Variants in ANXA10 observed in about 807,000 individuals in gnomAD.
ANXA10 encodes the protein annexin 14.
Under a neutral mutation model 53.5 loss-of-function variants are expected in ANXA10, and 49 were observed. That is an observed-to-expected ratio of 0.92 (90% CI 0.73 to 1.16). The LOEUF (loss-of-function observed/expected upper bound fraction) is 1.16. Among genes scored for constraint, ANXA10 ranks in the 50% most tolerant of loss-of-function variants. The pLI is 0.00. For missense variants in ANXA10, 393 were observed against 394.4 expected, an observed-to-expected ratio of 1.00 and a Z score of 0.03; for synonymous variants, 131 against 128.9, an observed-to-expected ratio of 1.02 and a Z score of -0.11.
At chr4:168,137,422 C>T (rs1281525919) in intron 2 of ANXA10, among the ~76,000 whole-genome samples, 1 of 152,076 alleles carries the variant, frequency 6.6e-6, no homozygotes, top group Non-Finnish European at 1.5e-5. Context: ...TTAACCCTTG[C>T]CCCTCTTCCA....
At chr4:168,111,207 A>C (rs1213291938) in intron 1 of ANXA10, among the ~76,000 whole-genome samples, 2 of 152,206 alleles carry the variant, frequency 1.3e-5, no homozygotes, top group African/African-American at 4.8e-5. Flanking sequence ...TTCACACATT[A>C]AATGTCAGCA....
intron 6 of ANXA10, among the ~76,000 whole-genome samples, chr4:168,170,399 T>G (rs1336836757): frequency 1.3e-5 from 2 of 152,196 alleles, no homozygotes; most frequent in South Asian, 4.1e-4. Context: ...TAGTTTTATC[T>G]TAACAGAAAA....
At chr4:168,145,893 A>C (rs1481688745) in intron 3 of ANXA10, among the ~76,000 whole-genome samples, 1 of 150,950 alleles carries the variant, frequency 6.6e-6, no homozygotes, top group African/African-American at 2.5e-5. Context: ...GAGATCATCA[A>C]ATACCTTGAC....
In ANXA10 at chr4:168,162,055, C is replaced by T. The variant is rs72691187; in HGVS notation, c.196-473C>T. ...TTATTTGAAGAAAGTTCTAAGACTA[C>T]TTAATTAATTTACATAAGCTGTTTG... On this transcript the variant is annotated intron_variant, in intron 3 of 11. Transcript: ENST00000359299. Among the ~76,000 whole-genome samples, 1,273 of 152,146 alleles carry T rather than the reference C, an allele frequency of 8.4e-3. 9 individuals are homozygous for T. The highest frequency in any genetic ancestry group is 0.012 in the Non-Finnish European group (842 of 67,988).
chr4:168,156,100 TATAA>T (rs1171018376), intron 3 of ANXA10, among the ~76,000 whole-genome samples: 6 of 29,670 alleles, frequency 2.0e-4, no homozygotes, highest in African/African-American at 4.6e-4. Flanking sequence ...ATTTATTATA[TATAA>T]ATATTATATT....
intron 2 of ANXA10, among the ~76,000 whole-genome samples, chr4:168,137,959 CTTTTTTTT>C (rs773199047): frequency 7.2e-6 from 1 of 139,214 alleles, no homozygotes; most frequent in African/African-American, 2.6e-5. Context: ...GTTATTTTAA[CTTTTTTTT>C]TTTTTTTTTC....
At position 168,097,552 on chromosome 4, in the gene ANXA10, T is replaced by C. The variant is rs1730571586; in HGVS notation, c.18+4834T>C. Reference sequence around the variant, plus strand: ...ATTCCTGTAACCAAGTGTCTACTCATTGAGTAGAAACTCATCCTCTTATTA... The same window carrying C: ...ATTCCTGTAACCAAGTGTCTACTCACTGAGTAGAAACTCATCCTCTTATTA... On this transcript the variant is annotated intron_variant, in intron 1 of 11. Coordinates refer to ENST00000359299, the MANE Select transcript of ANXA10 (RefSeq NM_007193.5). Among the ~76,000 whole-genome samples, 6 of 152,052 alleles carry C rather than the reference T, an allele frequency of 3.9e-5. 1 individual carries two copies. The highest frequency in any genetic ancestry group is 3.9e-4 in the Admixed American group (6 of 15,242).
intron 10 of ANXA10, among the ~76,000 whole-genome samples, chr4:168,183,777 T>A (rs1733978660): frequency 6.6e-6 from 1 of 152,206 alleles, no homozygotes; most frequent in African/African-American, 2.4e-5. Flanking sequence ...GTGAACGATC[T>A]ACATTTTAAG....
chr4:168,122,987 G>C (rs906354161), intron 1 of ANXA10, among the ~76,000 whole-genome samples: 2 of 152,086 alleles, frequency 1.3e-5, no homozygotes, highest in Non-Finnish European at 2.9e-5. Context: ...TTGAAAAGTC[G>C]AAGTCAGAAA....
chr4:168,184,816 T>C (rs1243057968), intron 11 of ANXA10, 135 bp downstream of exon 11: 37 of 1,177,510 alleles, frequency 3.1e-5, no homozygotes, highest in Non-Finnish European at 3.9e-5. Flanking sequence ...CTAGTTTTTT[T>C]CCTCTACACA....
At chr4:168,184,474 T>A in intron 10 of ANXA10, 85 bp from the exon 11 acceptor site, 1 of 1,487,626 alleles carries the variant, frequency 6.7e-7, no homozygotes, top group South Asian at 1.2e-5. Flanking sequence ...AGAAAATGAC[T>A]ACAGAAAAGG....
chr4:168,164,084 T>C (rs1470081679), intron 4 of ANXA10, 114 bp from the exon 5 acceptor site: 4 of 765,834 alleles, frequency 5.2e-6, no homozygotes. Flanking sequence ...ACCACTTCCT[T>C]TCCCTGCCAC....
rs1292655935 is a variant in ANXA10 at position 168,153,913 on chromosome 4, T to G, written c.196-8615T>G. ...ACATTAGATGATATCTGATATTGTTTATTTTCCTGAAATTATATTATTTCT... is the reference window on the plus strand; with the variant it reads ...ACATTAGATGATATCTGATATTGTTGATTTTCCTGAAATTATATTATTTCT... On this transcript the variant is annotated intron_variant, in intron 3 of 11. Transcript: ENST00000359299. Among the ~76,000 whole-genome samples, 8 of 152,150 alleles carry G rather than the reference T, an allele frequency of 5.3e-5. 1 individual carries two copies. The highest frequency in any genetic ancestry group is 3.9e-4 in the Admixed American group (6 of 15,266).
At chr4:168,162,404 A>C (rs1731800978) in intron 3 of ANXA10, 124 bp from the exon 4 acceptor site, 2 of 706,938 alleles carry the variant, frequency 2.8e-6, no homozygotes, top group Non-Finnish European at 4.9e-6. Flanking sequence ...TGTGAATCAG[A>C]CTTGTTATGC....
At chr4:168,150,234 T>C (rs1731474389) in intron 3 of ANXA10, among the ~76,000 whole-genome samples, 1 of 152,066 alleles carries the variant, frequency 6.6e-6, no homozygotes, top group South Asian at 2.1e-4. Flanking sequence ...TAATATACCA[T>C]GTGTGTCTAG....
chr4:168,181,868 C>A (rs764403398), intron 10 of ANXA10, 127 bp downstream of exon 10: 2 of 689,516 alleles, frequency 2.9e-6, no homozygotes, highest in Non-Finnish European at 4.9e-6. Flanking sequence ...AGAAAATACA[C>A]CCAAGTGAGA....
At chr4:168,166,605 TTTTGG>T (rs1317290467) in intron 6 of ANXA10, among the ~76,000 whole-genome samples, 1 of 150,804 alleles carries the variant, frequency 6.6e-6, no homozygotes, top group Non-Finnish European at 1.5e-5. Flanking sequence ...AAAGCCAGAA[TTTTGG>T]TTTGGTTTGG....
intron 3 of ANXA10, among the ~76,000 whole-genome samples, chr4:168,155,519 A>AATTATAAATTATAT (rs1731602347): frequency 1.3e-3 from 24 of 17,810 alleles, no homozygotes; most frequent in African/African-American, 8.1e-3. Flanking sequence ...TAAAATATAT[A>AATTATAAATTATAT]ATTATATAAT....
At chr4:168,147,231 T>C (rs926847377) in intron 3 of ANXA10, among the ~76,000 whole-genome samples, 1 of 152,226 alleles carries the variant, frequency 6.6e-6, no homozygotes, top group African/African-American at 2.4e-5. Context: ...TGAGTCCCAG[T>C]TGATTTACCC....
Sources: allele counts gnomAD v4.1 joint callset (sites outside exome capture counted in the v4.1 genomes callset), GRCh38; gene constraint gnomAD v4.1.1; transcripts MANE v1.5; gene names NCBI Gene and HGNC (gene_info 2026-07-23, HGNC 2026-07-21).